Variants in SLC44A5 observed in about 807,000 individuals in gnomAD.
The protein encoded by SLC44A5 is choline transporter-like protein 5.
A neutral mutation model predicts 101.8 loss-of-function variants in SLC44A5; 57 were observed. The observed-to-expected ratio is 0.56, with a 90% CI of 0.45 to 0.70. The LOEUF (loss-of-function observed/expected upper bound fraction) is 0.70, where lower values mean the gene tolerates loss of function less well. SLC44A5 is among the 30% of genes least tolerant of loss of function. The pLI, the probability that SLC44A5 is intolerant of heterozygous loss-of-function variation, is 0.00. For missense variants in SLC44A5, 737 were observed against 853.1 expected (o/e 0.86, Z 1.70); for synonymous variants, 281 against 290.9 (o/e 0.97, Z 0.35).
At chr1:75,368,934 C>T (rs1236730821) in intron 3 of SLC44A5, among the ~76,000 whole-genome samples, 2 of 152,086 alleles carry the variant, frequency 1.3e-5, no homozygotes, top group Non-Finnish European at 2.9e-5. Flanking sequence ...ATTTTCCTAG[C>T]AGGTATACAT....
the SLC44A5 span, among the ~76,000 whole-genome samples, chr1:75,634,115 C>T: frequency 6.6e-6 from 1 of 152,098 alleles, no homozygotes; most frequent in Non-Finnish European, 1.5e-5. Flanking sequence ...CTGCTGGATT[C>T]GCTTTGCCAG....
At chr1:75,241,201 C>A (rs941669482) in intron 9 of SLC44A5, among the ~76,000 whole-genome samples, 6 of 151,670 alleles carry the variant, frequency 4.0e-5, no homozygotes, top group African/African-American at 7.3e-5. Context: ...AAAGAAAACT[C>A]AGTGATTATT....
the SLC44A5 span, among the ~76,000 whole-genome samples, chr1:75,697,574 C>A: frequency 2.0e-5 from 3 of 152,124 alleles, no homozygotes; most frequent in Non-Finnish European, 4.4e-5. Flanking sequence ...ATCACTTGAA[C>A]TTAGGAGTTC....
intron 10 of SLC44A5, among the ~76,000 whole-genome samples, chr1:75,237,734 C>A (rs919720726): frequency 6.6e-6 from 1 of 151,948 alleles, no homozygotes; most frequent in Admixed American, 6.6e-5. Flanking sequence ...ATATTTGTAT[C>A]ATTATTTTGA....
At chr1:75,425,421 T>C (rs1465820515) in intron 2 of SLC44A5, among the ~76,000 whole-genome samples, 1 of 152,206 alleles carries the variant, frequency 6.6e-6, no homozygotes, top group Non-Finnish European at 1.5e-5. Context: ...AGATGGTCGA[T>C]AAAGCTGTGA....
chr1:75,484,553 G>A (rs1668051671), intron 2 of SLC44A5, among the ~76,000 whole-genome samples: 1 of 152,208 alleles, frequency 6.6e-6, no homozygotes, highest in Non-Finnish European at 1.5e-5. Flanking sequence ...TTGAGTGCCT[G>A]TGGCTTTTCC....
chr1:75,214,714 A>G (rs1206822603), intron 19 of SLC44A5, 36 bp from the exon 20 acceptor site: 4 of 1,504,076 alleles, frequency 2.7e-6, no homozygotes, highest in Non-Finnish European at 3.7e-6. Context: ...TGGAGCCAGT[A>G]ACATACTCTA....
chr1:75,573,386 A>G (rs753122680), intron 1 of SLC44A5, among the ~76,000 whole-genome samples: 5 of 152,070 alleles, frequency 3.3e-5, no homozygotes, highest in Non-Finnish European at 7.4e-5. Context: ...CAGAAGAATC[A>G]AAACAAAAAC....
chr1:75,428,518 A>G (rs1664437800), intron 2 of SLC44A5, among the ~76,000 whole-genome samples: 1 of 152,190 alleles, frequency 6.6e-6, no homozygotes, highest in Non-Finnish European at 1.5e-5. Flanking sequence ...ATGAAGCTTT[A>G]GAGTGCAAAT....
chr1:75,249,570 C>G (rs10782715), intron 7 of SLC44A5, among the ~76,000 whole-genome samples: 1 of 151,910 alleles, frequency 6.6e-6, no homozygotes, highest in South Asian at 2.1e-4. Flanking sequence ...TCTCAGAGAA[C>G]GCAATCCAGG....
chr1:75,510,343 T>C (rs558156186), intron 2 of SLC44A5, among the ~76,000 whole-genome samples: 23 of 152,184 alleles, frequency 1.5e-4, no homozygotes, highest in Middle Eastern at 3.4e-3. Context: ...ATAAGAAAAA[T>C]ACTGTATTTC....
intron 15 of SLC44A5, among the ~76,000 whole-genome samples, chr1:75,219,588 T>G (rs566365618): frequency 6.6e-6 from 1 of 152,128 alleles, no homozygotes; most frequent in East Asian, 1.9e-4. Context: ...AGCAGTATCA[T>G]GTGGAGACAA....
chr1:75,695,835 A>C, the SLC44A5 span, among the ~76,000 whole-genome samples: 9 of 149,000 alleles, frequency 6.0e-5, no homozygotes, highest in Non-Finnish European at 3.0e-5. Context: ...TATATAAATT[A>C]AATAGTATTC....
At chr1:75,371,023 T>C (rs1219475903) in intron 3 of SLC44A5, among the ~76,000 whole-genome samples, 1 of 152,162 alleles carries the variant, frequency 6.6e-6, no homozygotes, top group Admixed American at 6.5e-5. Context: ...TCTCATCTCA[T>C]ACAGAGAAAA....
At chr1:75,507,564 T>C (rs1669336753) in intron 2 of SLC44A5, among the ~76,000 whole-genome samples, 1 of 152,184 alleles carries the variant, frequency 6.6e-6, no homozygotes, top group Non-Finnish European at 1.5e-5. Flanking sequence ...GCTGGCTTTA[T>C]AGAATCAGTT....
At chr1:75,268,849 C>T (rs546116950) in intron 6 of SLC44A5, among the ~76,000 whole-genome samples, 7 of 152,068 alleles carry the variant, frequency 4.6e-5, no homozygotes, top group East Asian at 1.9e-4. Flanking sequence ...TTGACTATAC[C>T]GTAATTCATT....
At chr1:75,539,814 G>A (rs1671254917) in intron 2 of SLC44A5, among the ~76,000 whole-genome samples, 1 of 152,142 alleles carries the variant, frequency 6.6e-6, no homozygotes, top group Admixed American at 6.5e-5. Context: ...CACTGTGAAA[G>A]CAATGGCTTA....
intron 22 of SLC44A5, among the ~76,000 whole-genome samples, chr1:75,212,140 C>T (rs1311136972): frequency 6.6e-6 from 1 of 152,018 alleles, no homozygotes; most frequent in Non-Finnish European, 1.5e-5. Context: ...CAGTTGATGC[C>T]AGTGTTTTTA....
intron 2 of SLC44A5, among the ~76,000 whole-genome samples, chr1:75,447,028 C>T (rs911011242): frequency 2.0e-5 from 3 of 152,100 alleles, no homozygotes; most frequent in African/African-American, 7.2e-5. Context: ...AAGCACAGGC[C>T]TGTGGAAGGT....
Sources: gnomAD v4.1 joint callset for allele counts (sites outside exome capture counted in the v4.1 genomes callset) on GRCh38, gnomAD v4.1.1 for gene constraint, MANE v1.5 for transcripts, NCBI Gene and HGNC (gene_info 2026-07-23, HGNC 2026-07-21) for gene names.